The following MAP2K5 variants were observed in gnomAD, a reference collection of about 807,000 sequenced individuals.
The protein encoded by MAP2K5 is dual specificity mitogen-activated protein kinase kinase 5.
MAP2K5 carries 49 observed loss-of-function variants against 83.1 expected under a neutral mutation model. That is an observed-to-expected ratio of 0.59 (90% confidence interval 0.47 to 0.75). The LOEUF (loss-of-function observed/expected upper bound fraction) is 0.75. MAP2K5 is among the 30% of genes least tolerant of loss of function. The probability of loss-of-function intolerance (pLI) is 0.00; values close to 1 mark genes in which losing one functional copy is unlikely to be tolerated. For missense variants in MAP2K5, 457 were observed against 557.5 expected (o/e 0.82, Z 1.82); for synonymous variants, 202 against 191.8 (o/e 1.05, Z -0.44).
Position 67,755,636 on chromosome 15 carries a change from T to C in MAP2K5, c.1134+7035T>C, listed in dbSNP as rs1406021508. Among the ~76,000 whole-genome samples the C allele has an allele frequency of 6.6e-6, 1 of 152,216 alleles. No individual in the cohort carries two copies. Among genetic ancestry groups the C allele is most frequent in the Non-Finnish European group, 1.5e-5 (1 of 68,046 alleles). On this transcript the variant is annotated intron_variant, in intron 19 of 21. Transcript: ENST00000178640. This position sits in a 1 kb window ranked among gnomAD's most constrained non-coding sequence, Gnocchi z 4.7. ...GTTTGGTGGGGTAGATGATTGTCCC[T>C]ATTCATAATGATTCTTTTTAGTACC... is the stretch of plus-strand genomic sequence containing the variant.
rs2085311009 is a variant in MAP2K5, at chr15:67,587,331, T to C, written c.431+418T>C. Among the ~76,000 whole-genome samples the C allele has an allele frequency of 6.6e-6, 1 of 152,128 alleles. No homozygotes were observed. Among genetic ancestry groups the C allele is most frequent in the South Asian group, 2.1e-4 (1 of 4,828 alleles). The stretch of plus-strand genomic sequence containing the variant: ...TAGACAGGACTTATCATGCGGGGCC[T>C]CGTAGGCCCTGTAATGTTTGAATTT... On this transcript the variant is annotated intron_variant, in intron 6 of 21. Coordinates refer to ENST00000178640, the MANE Select transcript of MAP2K5 (RefSeq NM_145160.3). This position sits in a 1 kb window ranked among gnomAD's most constrained non-coding sequence, Gnocchi z 4.8.
At position 67,555,807 on chromosome 15, in the gene MAP2K5, G is replaced by A. The variant is rs574349902; in HGVS notation, c.184+5725G>A. Among the ~76,000 whole-genome samples, 50 of 148,044 alleles carry A rather than the reference G, an allele frequency of 3.4e-4. No individual in the cohort carries two copies. In the South Asian group the frequency reaches 5.1e-3, roughly 15 times the overall value. On this transcript the variant is annotated intron_variant, in intron 2 of 21. Coordinates refer to ENST00000178640, the MANE Select transcript of MAP2K5 (RefSeq NM_145160.3). The surrounding 1 kb of genome is among the most constrained non-coding windows in gnomAD (Gnocchi z 5.2). ...TTAATTTCCTTTTTTTTTTTGAGACGCAGTCTCACTCTGTCGCCCAGGCTG... is the reference window on the plus strand; with the variant it reads ...TTAATTTCCTTTTTTTTTTTGAGACACAGTCTCACTCTGTCGCCCAGGCTG...
intron 6 of MAP2K5, among the ~76,000 whole-genome samples, chr15:67,591,406 G>A (rs571659904): frequency 2.0e-5 from 3 of 150,876 alleles, no homozygotes; most frequent in African/African-American, 7.3e-5. Context: ...ATGGAGTCTC[G>A]CTCTGTAGCC....
At chr15:67,635,429 C>G (rs2086581944) in intron 9 of MAP2K5, among the ~76,000 whole-genome samples, 1 of 152,126 alleles carries the variant, frequency 6.6e-6, no homozygotes, top group South Asian at 2.1e-4. Flanking sequence ...CCCACCTCGG[C>G]CTCCCAAAGT....
chr15:67,596,421 A>C (rs2085528322), intron 7 of MAP2K5, among the ~76,000 whole-genome samples: 1 of 152,170 alleles, frequency 6.6e-6, no homozygotes, highest in South Asian at 2.1e-4. Context: ...CTCAAAAAAA[A>C]CTCAACAACA....
intron 3 of MAP2K5, among the ~76,000 whole-genome samples, chr15:67,571,692 A>G (rs1000543518): frequency 3.3e-5 from 5 of 152,062 alleles, no homozygotes; most frequent in African/African-American, 1.2e-4. Context: ...TCAGCAAGGC[A>G]GGTTTTTTCC....
intron 16 of MAP2K5, among the ~76,000 whole-genome samples, chr15:67,705,807 A>G (rs950836464): frequency 6.6e-6 from 1 of 152,162 alleles, no homozygotes; most frequent in Non-Finnish European, 1.5e-5. Context: ...AGATACTTGA[A>G]TGCTGTGAGA....
intron 21 of MAP2K5, among the ~76,000 whole-genome samples, chr15:67,795,038 CTCA>C (rs1164394255): frequency 1.8e-4 from 28 of 152,354 alleles, no homozygotes; most frequent in Admixed American, 1.7e-3. Context: ...TTCTCCACTT[CTCA>C]TCATCTCACA....
In MAP2K5 at chr15:67,755,830, CAAGA is replaced by C. The variant is rs1025324371; in HGVS notation, c.1134+7233_1134+7236del. Among the ~76,000 whole-genome samples the C allele has an allele frequency of 1.3e-5, 2 of 152,120 alleles. No individual in the cohort carries two copies. Among genetic ancestry groups the C allele is most frequent in the African/African-American group, 4.8e-5 (2 of 41,416 alleles). ...AGCTGTTGAATTCAGGGCTTTTTGC[CAAGA>C]AAGTCTGTTTCCATCTTAAGCAAAT... On this transcript the variant is annotated intron_variant, in intron 19 of 21. Coordinates refer to ENST00000178640, the MANE Select transcript of MAP2K5 (RefSeq NM_145160.3). The surrounding 1 kb of genome is among the most constrained non-coding windows in gnomAD (Gnocchi z 4.7).
Position 67,640,457 on chromosome 15 carries a change from G to A in MAP2K5, c.586-5774G>A. ...TCTCCTGACTTTTGTGTGACTTCAA[G>A]CATGTCACTTGAACCTCCCAGTGAC... On this transcript the variant is annotated intron_variant, in intron 9 of 21. Coordinates refer to ENST00000178640, the MANE Select transcript of MAP2K5 (RefSeq NM_145160.3). This position sits in a 1 kb window ranked among gnomAD's most constrained non-coding sequence, Gnocchi z 4.6. The A allele has an allele frequency of 3.6e-6, 1 of 275,556 alleles. No individual in the cohort carries two copies. The highest frequency in any genetic ancestry group is 5.5e-6 in the Non-Finnish European group (1 of 180,998). 17.1% of individuals were successfully genotyped at this position (275,556 alleles called of 1,614,324 possible).
intron 12 of MAP2K5, among the ~76,000 whole-genome samples, chr15:67,661,532 C>CT (rs1409427290): frequency 2.6e-5 from 4 of 152,040 alleles, no homozygotes; most frequent in African/African-American, 7.2e-5. Context: ...TTTCTAGCTC[C>CT]TTTTTCACCA....
chr15:67,633,940 A>G (rs1407975210), intron 9 of MAP2K5, among the ~76,000 whole-genome samples: 1 of 152,140 alleles, frequency 6.6e-6, no homozygotes, highest in Non-Finnish European at 1.5e-5. Flanking sequence ...CCATCTTTCT[A>G]TTACTGATTT....
intron 19 of MAP2K5, among the ~76,000 whole-genome samples, chr15:67,751,767 C>T (rs1303221803): frequency 6.6e-6 from 1 of 152,170 alleles, no homozygotes; most frequent in Non-Finnish European, 1.5e-5. Context: ...TGTATTGATG[C>T]CCTCCAGGGC....
chr15:67,707,735 T>C (rs1315993166), intron 16 of MAP2K5, among the ~76,000 whole-genome samples: 1 of 152,162 alleles, frequency 6.6e-6, no homozygotes, highest in East Asian at 1.9e-4. Context: ...GGGAGATTGG[T>C]CTTGAACAGA....
At chr15:67,660,142 G>A (rs1014477967) in intron 12 of MAP2K5, among the ~76,000 whole-genome samples, 1 of 151,528 alleles carries the variant, frequency 6.6e-6, no homozygotes, top group African/African-American at 2.4e-5. Flanking sequence ...TGGCTCATCA[G>A]GTCATAGTAA....
rs1034732817 is a variant in MAP2K5 at position 67,749,254 on chromosome 15, G to A, written c.1134+653G>A. Among the ~76,000 whole-genome samples, 5 of 151,972 alleles carry A rather than the reference G, an allele frequency of 3.3e-5. No individual in the cohort carries two copies. The highest frequency in any genetic ancestry group is 5.9e-5 in the Non-Finnish European group (4 of 68,018). ...ATCTACCTGCCTTTCTCTCTCAATC[G>A]ACTTTGTCTACTTCTTATTCTGACT... is the stretch of plus-strand genomic sequence containing the variant. On this transcript the variant is annotated intron_variant, in intron 19 of 21. Coordinates refer to ENST00000178640, the MANE Select transcript of MAP2K5 (RefSeq NM_145160.3). The surrounding 1 kb of genome is among the most constrained non-coding windows in gnomAD (Gnocchi z 4.6).
intron 11 of MAP2K5, among the ~76,000 whole-genome samples, chr15:67,650,515 GT>G (rs35510441): frequency 1.5e-3 from 220 of 144,936 alleles, no homozygotes; most frequent in African/African-American, 5.4e-3. Context: ...AGTTTGTTGA[GT>G]TTTTTTTTTT....
rs1360101386 is a variant in MAP2K5, at chr15:67,777,829, AG to A, written c.1242+5079del. 6.6e-6 allele frequency among the ~76,000 whole-genome samples: 1 copy of A among 152,206 alleles called. No homozygotes were observed. Among genetic ancestry groups the A allele is most frequent in the Non-Finnish European group, 1.5e-5 (1 of 68,024 alleles). ...CATTCCAGAGTAGGACATCCTTTAA[AG>A]GCATTTAGCATTTCCTCAGGTTTGG... On this transcript the variant is annotated intron_variant, in intron 21 of 21. Transcript: ENST00000178640. This position sits in a 1 kb window ranked among gnomAD's most constrained non-coding sequence, Gnocchi z 6.0.
chr15:67,563,058 G>A lies in MAP2K5; in HGVS notation c.185-225G>A, dbSNP rs17300460. Among the ~76,000 whole-genome samples, 1,277 of 152,254 alleles carry A rather than the reference G, an allele frequency of 8.4e-3. 41 individuals carry two copies. Among genetic ancestry groups the A allele is most frequent in the Admixed American group, 0.062 (942 of 15,300 alleles). On this transcript the variant is annotated intron_variant, in intron 2 of 21. Transcript: ENST00000178640. This position sits in a 1 kb window ranked among gnomAD's most constrained non-coding sequence, Gnocchi z 4.5. The stretch of plus-strand genomic sequence containing the variant: ...CCTAGAGATATGTTGTGAATGACAT[G>A]AGCAATATTTTAATTTTCTGCTATC...
Sources: gnomAD v4.1 joint callset for allele counts (sites outside exome capture counted in the v4.1 genomes callset) on GRCh38, gnomAD v4.1.1 for gene constraint, Gnocchi (gnomAD v3.1) non-coding constraint, MANE v1.5 for transcripts, NCBI Gene and HGNC (gene_info 2026-07-23, HGNC 2026-07-21) for gene names.